Variants in FCHSD2 observed in about 807,000 individuals in gnomAD.
FCHSD2 encodes the protein F-BAR and double SH3 domains protein 2.
In FCHSD2, 38 loss-of-function variants were observed where a neutral mutation model predicts 108.1. The observed-to-expected ratio is 0.35, with a 90% CI of 0.27 to 0.46. FCHSD2 has a LOEUF of 0.46. FCHSD2 is among the 20% of genes least tolerant of loss of function. The pLI, the probability that FCHSD2 is intolerant of heterozygous loss-of-function variation, is 1.00. For missense variants in FCHSD2, 751 were observed against 897.8 expected (o/e 0.84, Z 2.09); for synonymous variants, 279 against 314.7 (o/e 0.89, Z 1.20).
chr11:73,131,503 T>C (rs1310097659), intron 2 of FCHSD2, among the ~76,000 whole-genome samples: 1 of 151,854 alleles, frequency 6.6e-6, no homozygotes, highest in Non-Finnish European at 1.5e-5. Context: ...CACTCCAGCC[T>C]GGGTGACAGA....
At chr11:72,937,752 GAAAC>G (rs955704116) in intron 8 of FCHSD2, among the ~76,000 whole-genome samples, 4 of 152,288 alleles carry the variant, frequency 2.6e-5, no homozygotes, top group Admixed American at 1.3e-4. Flanking sequence ...GCAAGCATTG[GAAAC>G]AAACAAACAG....
At chr11:73,078,841 C>A (rs981282047) in intron 3 of FCHSD2, among the ~76,000 whole-genome samples, 1 of 152,106 alleles carries the variant, frequency 6.6e-6, no homozygotes, top group Admixed American at 6.5e-5. Context: ...GCTTCAGTCT[C>A]CAAGTAGTTA....
At chr11:73,043,749 T>C (rs1437760052) in intron 3 of FCHSD2, among the ~76,000 whole-genome samples, 1 of 152,216 alleles carries the variant, frequency 6.6e-6, no homozygotes, top group Non-Finnish European at 1.5e-5. Flanking sequence ...TGATATGTGT[T>C]ACATTCAGTT....
At chr11:72,947,447 A>C (rs572581136) in intron 8 of FCHSD2, among the ~76,000 whole-genome samples, 1 of 152,346 alleles carries the variant, frequency 6.6e-6, no homozygotes, top group East Asian at 1.9e-4. Context: ...GTCTGACTAG[A>C]ACTAAAGCCA....
intron 3 of FCHSD2, among the ~76,000 whole-genome samples, chr11:73,069,100 C>G (rs1043392068): frequency 6.6e-6 from 1 of 151,064 alleles, no homozygotes; most frequent in East Asian, 2.0e-4. Context: ...CACCTGAGGT[C>G]AGGAGTTTGA....
intron 2 of FCHSD2, among the ~76,000 whole-genome samples, chr11:73,127,025 G>T (rs1409183961): frequency 6.6e-6 from 1 of 152,164 alleles, no homozygotes; most frequent in African/African-American, 2.4e-5. Flanking sequence ...GATGGAATAA[G>T]ACTCTGTCTC....
At chr11:72,971,069 CT>C (rs1565347904) in intron 8 of FCHSD2, among the ~76,000 whole-genome samples, 1 of 152,192 alleles carries the variant, frequency 6.6e-6, no homozygotes, top group East Asian at 1.9e-4. Flanking sequence ...ACTGACCCCC[CT>C]GCCCAAAGTA....
At chr11:72,853,142 GT>G (rs1861337038) in intron 13 of FCHSD2, among the ~76,000 whole-genome samples, 1 of 152,034 alleles carries the variant, frequency 6.6e-6, no homozygotes, top group African/African-American at 2.4e-5. Context: ...GCACTTAAAA[GT>G]TTTTTTAAAA....
At chr11:73,133,109 A>G (rs1255474927) in intron 2 of FCHSD2, among the ~76,000 whole-genome samples, 1 of 152,168 alleles carries the variant, frequency 6.6e-6, no homozygotes, top group East Asian at 1.9e-4. Flanking sequence ...AAAAAGACAG[A>G]CAATAACATG....
At chr11:72,841,612 G>A (rs1591329736) in intron 17 of FCHSD2, 29 bp from the exon 18 acceptor site, 1 of 1,568,266 alleles carries the variant, frequency 6.4e-7, no homozygotes, top group Non-Finnish European at 8.6e-7. Flanking sequence ...AGGTTACCCG[G>A]TGCTCCCCTC....
At chr11:72,919,197 C>T (rs1050754760) in intron 9 of FCHSD2, among the ~76,000 whole-genome samples, 6 of 152,156 alleles carry the variant, frequency 3.9e-5, no homozygotes, top group African/African-American at 7.2e-5. Context: ...GCATAACAAG[C>T]TCTTCATAAC....
chr11:72,926,945 C>T (rs992865042), intron 8 of FCHSD2, among the ~76,000 whole-genome samples: 6 of 152,190 alleles, frequency 3.9e-5, no homozygotes, highest in African/African-American at 1.4e-4. Context: ...CGACTTGGTG[C>T]ACTAGTAGTA....
At position 73,133,161 on chromosome 11, in the gene FCHSD2, T is replaced by C. The variant is rs187839590; in HGVS notation, c.119+6870A>G. On this transcript the variant is annotated intron_variant, in intron 2 of 19. Coordinates refer to ENST00000409418, the MANE Select transcript of FCHSD2 (RefSeq NM_014824.3). ...GAGAAATAGGACCCATCATGTATTA[T>C]TGCTGGTGGGAATATAAAATGGAGC... 2.0e-4 allele frequency among the ~76,000 whole-genome samples: 30 copies of C among 152,332 alleles called. No homozygotes were observed. The East Asian group carries it at 5.2e-3, about 26-fold the overall frequency.
intron 8 of FCHSD2, among the ~76,000 whole-genome samples, chr11:72,933,694 T>C (rs1279093435): frequency 5.9e-5 from 9 of 152,250 alleles, no homozygotes; most frequent in African/African-American, 1.2e-4. Flanking sequence ...TTCCTTACTA[T>C]TCCTGGTTCT....
intron 2 of FCHSD2, among the ~76,000 whole-genome samples, chr11:73,105,816 T>G (rs1196039775): frequency 6.6e-6 from 1 of 152,186 alleles, no homozygotes; most frequent in Non-Finnish European, 1.5e-5. Context: ...GAATAAATGG[T>G]CTATGGCAGA....
At chr11:72,904,682 T>C (rs72977485) in intron 9 of FCHSD2, among the ~76,000 whole-genome samples, 186 of 152,362 alleles carry the variant, frequency 1.2e-3, no homozygotes, top group Non-Finnish European at 2.0e-3. Flanking sequence ...CAAATTTCCC[T>C]GATTGTTTCT....
chr11:72,988,868 G>T, intron 6 of FCHSD2, 96 bp downstream of exon 6: 1 of 980,254 alleles, frequency 1.0e-6, no homozygotes, highest in South Asian at 2.1e-5. Flanking sequence ...CACTACCTGA[G>T]AATGGGTCCA....
intron 13 of FCHSD2, among the ~76,000 whole-genome samples, chr11:72,863,919 T>C (rs1308056537): frequency 6.6e-6 from 1 of 152,234 alleles, no homozygotes; most frequent in Non-Finnish European, 1.5e-5. Flanking sequence ...GGAAAACAGT[T>C]TGTCAGTTTC....
intron 7 of FCHSD2, 51 bp from the exon 8 acceptor site, chr11:72,984,267 A>T (rs906583255): frequency 1.1e-5 from 18 of 1,573,660 alleles, no homozygotes; most frequent in Middle Eastern, 1.7e-4. Context: ...TTGTACTGCA[A>T]AACACATAGG....
Sources: allele counts gnomAD v4.1 joint callset (sites outside exome capture counted in the v4.1 genomes callset), GRCh38; gene constraint gnomAD v4.1.1; transcripts MANE v1.5; gene names NCBI Gene and HGNC (gene_info 2026-07-23, HGNC 2026-07-21).